The following EYS variants were observed in gnomAD, a reference collection of about 807,000 sequenced individuals.
EYS encodes protein eyes shut homolog.
Under a neutral mutation model 282.1 loss-of-function variants are expected in EYS, and 250 were observed. The ratio of observed to expected loss-of-function variants is 0.89; its 90% CI spans 0.80 to 0.98. The LOEUF is 0.98. EYS is among the 50% of genes least tolerant of loss of function. The pLI, the probability that EYS is intolerant of heterozygous loss-of-function variation, is 0.00. For synonymous variants in EYS, 1,355 were observed against 1,282.9 expected (o/e 1.06, Z -1.20); for missense variants, 4,016 against 3,709.0 (o/e 1.08, Z -2.15).
At chr6:64,358,993 G>A (rs1411948590) in intron 29 of EYS, among the ~76,000 whole-genome samples, 2 of 151,614 alleles carry the variant, frequency 1.3e-5, no homozygotes, top group African/African-American at 2.4e-5. Context: ...CATAAAGAGG[G>A]AGAATTTAAA....
chr6:65,703,861 T>A lies in EYS; in HGVS notation c.-448+3274A>T, dbSNP rs116417294. ...CTGAAAATTAACTGTAAATTCATTATGTAATGGATTGGCATGGTGCTACAA... is the reference window on the plus strand; with the variant it reads ...CTGAAAATTAACTGTAAATTCATTAAGTAATGGATTGGCATGGTGCTACAA... On this transcript the variant is annotated intron_variant, in intron 1 of 42. Transcript: ENST00000503581. Among the ~76,000 whole-genome samples, 759 of 152,284 alleles carry A rather than the reference T, an allele frequency of 5.0e-3. 6 individuals are homozygous for A. The highest frequency in any genetic ancestry group is 0.017 in the African/African-American group (716 of 41,566).
At chr6:64,307,160 G>A (rs753703507) in intron 29 of EYS, 78 bp from the exon 30 acceptor site, 19 of 750,190 alleles carry the variant, frequency 2.5e-5, no homozygotes, top group African/African-American at 1.8e-4. Flanking sequence ...CTTCAAACTG[G>A]TCAGGGTATG....
intron 22 of EYS, among the ~76,000 whole-genome samples, chr6:64,766,649 A>AAAAATATATATATATAT (rs1387919586): frequency 1.6e-4 from 3 of 19,066 alleles, no homozygotes; most frequent in African/African-American, 3.6e-4. Context: ...AAAAAAAAAA[A>AAAAATATATATATATAT]ATATATATAT....
chr6:65,458,569 A>T (rs1482938103), intron 5 of EYS, among the ~76,000 whole-genome samples: 2 of 152,140 alleles, frequency 1.3e-5, no homozygotes, highest in Admixed American at 1.3e-4. Context: ...TCCAATTCCT[A>T]TTTATCACTT....
At chr6:64,835,317 C>T (rs1765349297) in intron 19 of EYS, among the ~76,000 whole-genome samples, 1 of 151,550 alleles carries the variant, frequency 6.6e-6, no homozygotes, top group Admixed American at 6.6e-5. Flanking sequence ...GAAACATGTG[C>T]ATAATAAGGA....
At chr6:64,776,452 T>C (rs766366082) in intron 22 of EYS, among the ~76,000 whole-genome samples, 1 of 152,006 alleles carries the variant, frequency 6.6e-6, no homozygotes. Flanking sequence ...AAAACATATA[T>C]AGGAAAAATA....
chr6:64,814,348 T>A (rs1200169902), intron 21 of EYS, among the ~76,000 whole-genome samples: 2 of 152,044 alleles, frequency 1.3e-5, no homozygotes, highest in East Asian at 3.9e-4. Flanking sequence ...GGTGATAATA[T>A]CACCCACCTC....
chr6:65,190,780 T>C (rs540439853), intron 12 of EYS, among the ~76,000 whole-genome samples: 1 of 151,952 alleles, frequency 6.6e-6, no homozygotes, highest in South Asian at 2.1e-4. Flanking sequence ...CTAAAAATAT[T>C]CCATAATCTG....
chr6:64,096,668 G>T (rs1263413787), intron 31 of EYS, among the ~76,000 whole-genome samples: 1 of 152,078 alleles, frequency 6.6e-6, no homozygotes, highest in African/African-American at 2.4e-5. Flanking sequence ...TTTTTCCAAG[G>T]TTGTTATCTT....
intron 5 of EYS, among the ~76,000 whole-genome samples, chr6:65,484,535 C>CAGCTT (rs969540560): frequency 2.0e-5 from 3 of 152,152 alleles, no homozygotes; most frequent in Admixed American, 2.0e-4. Flanking sequence ...CATTCAAAGA[C>CAGCTT]AGCTTGTTGG....
At chr6:65,675,182 G>C (rs947880895) in intron 1 of EYS, among the ~76,000 whole-genome samples, 1 of 151,640 alleles carries the variant, frequency 6.6e-6, no homozygotes, top group African/African-American at 2.4e-5. Context: ...AAGACTGCAA[G>C]AGAGGAAAAG....
chr6:64,704,229 TA>T (rs1330815657), intron 22 of EYS, among the ~76,000 whole-genome samples: 1 of 150,596 alleles, frequency 6.6e-6, no homozygotes, highest in Non-Finnish European at 1.5e-5. Context: ...GATGTATTCA[TA>T]TTATAATTCC....
chr6:65,073,723 A>C (rs908082716), intron 12 of EYS, among the ~76,000 whole-genome samples: 2 of 151,898 alleles, frequency 1.3e-5, no homozygotes, highest in African/African-American at 4.8e-5. Context: ...CTAGACTTTT[A>C]TTATGGAAGA....
intron 19 of EYS, among the ~76,000 whole-genome samples, chr6:64,838,395 G>A (rs907342160): frequency 1.5e-4 from 23 of 151,752 alleles, no homozygotes; most frequent in Non-Finnish European, 3.2e-4. Flanking sequence ...AAGTTTCTAA[G>A]GCCAGCATTT....
intron 36 of EYS, among the ~76,000 whole-genome samples, chr6:63,809,012 T>G (rs934538675): frequency 3.3e-5 from 5 of 152,190 alleles, no homozygotes; most frequent in Admixed American, 3.3e-4. Flanking sequence ...CGCAGAGAGA[T>G]CCAAGCATGT....
chr6:65,032,559 C>G (rs1304912611), intron 13 of EYS, among the ~76,000 whole-genome samples: 1 of 152,138 alleles, frequency 6.6e-6, no homozygotes, highest in Non-Finnish European at 1.5e-5. Flanking sequence ...ATGCCTATTC[C>G]TCTTTCAAAT....
chr6:63,951,009 A>C (rs1342076134), intron 35 of EYS, among the ~76,000 whole-genome samples: 1 of 152,038 alleles, frequency 6.6e-6, no homozygotes, highest in Non-Finnish European at 1.5e-5. Flanking sequence ...TCTGATCACC[A>C]CGGGGATGCC....
chr6:64,992,513 A>T (rs547309479), intron 14 of EYS, among the ~76,000 whole-genome samples: 32 of 152,104 alleles, frequency 2.1e-4, no homozygotes, highest in Non-Finnish European at 4.1e-4. Context: ...AATATAAAAT[A>T]TATCCATTTA....
rs117068373 is a variant in EYS, at chr6:64,340,602, T to A, written c.6079-33520A>T. Among the ~76,000 whole-genome samples the A allele has an allele frequency of 8.2e-3, 1,240 of 151,882 alleles. 19 individuals carry two copies. Among genetic ancestry groups the A allele is most frequent in the East Asian group, 0.049 (252 of 5,138 alleles). ...GGATTAAAGATTTAAATATAAGACCTGAAACTACAAGAATCCTAGAAGAAA... is the reference window on the plus strand; with the variant it reads ...GGATTAAAGATTTAAATATAAGACCAGAAACTACAAGAATCCTAGAAGAAA... On this transcript the variant is annotated intron_variant, in intron 29 of 42. Coordinates refer to ENST00000503581, the MANE Select transcript of EYS (RefSeq NM_001142800.2).
Sources: gnomAD v4.1 joint callset for allele counts (sites outside exome capture counted in the v4.1 genomes callset) on GRCh38, gnomAD v4.1.1 for gene constraint, MANE v1.5 for transcripts, NCBI Gene and HGNC (gene_info 2026-07-23, HGNC 2026-07-21) for gene names.